The following STPG2 variants were observed in gnomAD, a reference collection of about 807,000 sequenced individuals.
STPG2 encodes sperm-tail PG-rich repeat-containing protein 2.
A neutral mutation model predicts 54.2 loss-of-function variants in STPG2; 56 were observed. That is an observed-to-expected ratio of 1.03 (90% CI 0.83 to 1.29). The LOEUF (loss-of-function observed/expected upper bound fraction) is 1.29, where lower values mean the gene tolerates loss of function less well. STPG2 is among the 50% of genes most tolerant of loss of function. The pLI is 0.00. For synonymous variants in STPG2, 200 were observed against 181.8 expected (o/e 1.10, Z -0.81); for missense variants, 596 against 544.9 (o/e 1.09, Z -0.93).
intron 8 of STPG2, among the ~76,000 whole-genome samples, chr4:97,939,124 GA>G (rs1732876164): frequency 6.6e-6 from 1 of 152,120 alleles, no homozygotes; most frequent in Admixed American, 6.6e-5. Context: ...GATTTTGAGT[GA>G]TTTTTTTATA....
intron 4 of STPG2, among the ~76,000 whole-genome samples, chr4:98,107,102 C>T (rs1312308189): frequency 1.3e-5 from 2 of 152,262 alleles, no homozygotes; most frequent in South Asian, 4.1e-4. Context: ...AAATAAACCG[C>T]TTTCAAACCT....
intron 10 of STPG2, among the ~76,000 whole-genome samples, chr4:97,571,955 T>C (rs571829390): frequency 6.6e-6 from 1 of 152,310 alleles, no homozygotes; most frequent in South Asian, 2.1e-4. Flanking sequence ...TATATATCTA[T>C]GTTCTTCTTA....
chr4:97,967,772 C>G (rs912444693), intron 7 of STPG2, among the ~76,000 whole-genome samples: 1 of 152,082 alleles, frequency 6.6e-6, no homozygotes, highest in Non-Finnish European at 1.5e-5. Context: ...GGGTACATAA[C>G]AAAATGAAGG....
chr4:98,041,232 A>G (rs1736944545), intron 5 of STPG2, among the ~76,000 whole-genome samples: 2 of 151,800 alleles, frequency 1.3e-5, no homozygotes. Context: ...AGTCTTTTGG[A>G]GAAGGCTCTA....
intron 9 of STPG2, among the ~76,000 whole-genome samples, chr4:97,724,310 A>G (rs1724551659): frequency 6.6e-6 from 1 of 152,200 alleles, no homozygotes; most frequent in Non-Finnish European, 1.5e-5. Context: ...GGTTACATTT[A>G]TAGATTAAGA....
Position 97,840,951 on chromosome 4 carries a change from G to A in STPG2, c.1045-19C>T. The A allele has an allele frequency of 1.2e-6, 2 of 1,609,176 alleles. No homozygotes were observed. The highest frequency in any genetic ancestry group is 1.3e-5 in the African/African-American group (1 of 74,710). On this transcript the variant is annotated intron_variant, in intron 8 of 10. Coordinates refer to ENST00000295268, the MANE Select transcript of STPG2 (RefSeq NM_174952.3). ...GAATAACCTGAAAAAAAATTTAATAGATGAGCATAAATATATCTTATACTG... is the reference window on the plus strand; with the variant it reads ...GAATAACCTGAAAAAAAATTTAATAAATGAGCATAAATATATCTTATACTG...
chr4:98,042,406 G>T (rs924332725), intron 5 of STPG2, among the ~76,000 whole-genome samples: 1 of 151,396 alleles, frequency 6.6e-6, no homozygotes, highest in Non-Finnish European at 1.5e-5. Flanking sequence ...GACTCATAAG[G>T]TGTAACAGTA....
intron 10 of STPG2, among the ~76,000 whole-genome samples, chr4:97,679,668 T>A (rs1162685767): frequency 2.4e-4 from 37 of 152,298 alleles, no homozygotes; most frequent in Non-Finnish European, 4.6e-4. Context: ...TTGTTGCCAT[T>A]GCTTTTGGTG....
intron 5 of STPG2, among the ~76,000 whole-genome samples, chr4:98,059,042 T>G (rs919279446): frequency 7.3e-5 from 11 of 150,598 alleles, no homozygotes; most frequent in African/African-American, 2.7e-4. Flanking sequence ...TTCAAAAGAT[T>G]AATAAAACCA....
At chr4:97,772,906 T>C (rs1391639742) in intron 9 of STPG2, among the ~76,000 whole-genome samples, 1 of 152,178 alleles carries the variant, frequency 6.6e-6, no homozygotes, top group Non-Finnish European at 1.5e-5. Context: ...GCCTGTACCA[T>C]TGCTGTATTT....
intron 10 of STPG2, among the ~76,000 whole-genome samples, chr4:97,692,298 G>A (rs1193091421): frequency 5.3e-4 from 48 of 90,560 alleles, no homozygotes; most frequent in Admixed American, 8.2e-4. Context: ...TACAGGATAT[G>A]AAAAAAAAAA....
At chr4:97,948,677 C>T (rs1471186786) in intron 7 of STPG2, among the ~76,000 whole-genome samples, 1 of 152,072 alleles carries the variant, frequency 6.6e-6, no homozygotes, top group East Asian at 1.9e-4. Flanking sequence ...ACACAAAAAT[C>T]ATTCAGGAAC....
chr4:97,636,425 A>C (rs1191712355), intron 10 of STPG2, among the ~76,000 whole-genome samples: 7 of 144,058 alleles, frequency 4.9e-5, no homozygotes, highest in African/African-American at 1.8e-4. Context: ...CATCACAATT[A>C]AAAGAACTAG....
rs137875960 is a variant in STPG2, at chr4:97,567,304, C to T, written c.1321-8187G>A. 1.9e-3 allele frequency among the ~76,000 whole-genome samples: 287 copies of T among 151,342 alleles called. 2 individuals are homozygous for T. Among genetic ancestry groups the T allele is most frequent in the African/African-American group, 6.5e-3 (269 of 41,394 alleles). The stretch of plus-strand genomic sequence containing the variant: ...ACTACCAGACTGGGAAATTTTAAAA[C>T]CTGAACAGTACATACTGTTGGTGAG... On this transcript the variant is annotated intron_variant, in intron 10 of 10. Coordinates refer to ENST00000295268, the MANE Select transcript of STPG2 (RefSeq NM_174952.3).
intron 8 of STPG2, chr4:97,916,751 G>A (rs1294129601): frequency 6.5e-6 from 1 of 153,010 alleles, no homozygotes; most frequent in Admixed American, 6.5e-5. Context: ...AGGCTGCTCT[G>A]ACTATAGTTC....
chr4:97,523,327 A>G (rs1281369871), intron 4 of STPG2, among the ~76,000 whole-genome samples: 1 of 151,912 alleles, frequency 6.6e-6, no homozygotes, highest in African/African-American at 2.4e-5. Context: ...ATCTATAAAA[A>G]GAGAGGTCAT....
intron 3 of STPG2, among the ~76,000 whole-genome samples, chr4:98,127,078 A>C (rs1042826418): frequency 6.6e-6 from 1 of 151,592 alleles, no homozygotes; most frequent in Non-Finnish European, 1.5e-5. Context: ...TTAAATTTTT[A>C]AAATCATAAA....
chr4:97,789,108 T>C (rs1321000379), intron 9 of STPG2, among the ~76,000 whole-genome samples: 3 of 152,048 alleles, frequency 2.0e-5, no homozygotes, highest in African/African-American at 7.2e-5. Context: ...GGTTCCAAGC[T>C]TGATATTACT....
intron 5 of STPG2, among the ~76,000 whole-genome samples, chr4:98,019,492 C>T (rs9992684): frequency 1.6e-4 from 24 of 151,390 alleles, no homozygotes; most frequent in African/African-American, 4.4e-4. Context: ...ATTGACTTGG[C>T]GATGCGGGCT....
Sources: gnomAD v4.1 joint callset for allele counts (sites outside exome capture counted in the v4.1 genomes callset) on GRCh38, gnomAD v4.1.1 for gene constraint, MANE v1.5 for transcripts, NCBI Gene and HGNC (gene_info 2026-07-23, HGNC 2026-07-21) for gene names.